TENM4: variants seen among roughly 807,000 people sequenced by gnomAD.
TENM4 encodes teneurin-4.
TENM4 carries 82 observed loss-of-function variants against 243.3 expected under a neutral mutation model. The ratio of observed to expected loss-of-function variants is 0.34; its 90% CI spans 0.28 to 0.40. The LOEUF (loss-of-function observed/expected upper bound fraction) is 0.40, where lower values mean the gene tolerates loss of function less well. Ranked by LOEUF, TENM4 falls within the 10% of genes least tolerant of loss-of-function variation. The pLI is 1.00. For missense variants in TENM4, 3,138 were observed against 3,673.3 expected (o/e 0.85, Z 3.77); for synonymous variants, 1,412 against 1,456.3 (o/e 0.97, Z 0.69).
chr11:78,696,492 T>C (rs1407780924), intron 28 of TENM4, among the ~76,000 whole-genome samples: 2 of 152,002 alleles, frequency 1.3e-5, no homozygotes, highest in Admixed American at 6.6e-5. Flanking sequence ...GAGTGAGTGA[T>C]AGGTTTATGC....
intron 1 of TENM4, among the ~76,000 whole-genome samples, chr11:79,308,950 G>T (rs988531201): frequency 3.9e-5 from 6 of 152,088 alleles, no homozygotes; most frequent in Admixed American, 1.3e-4. Context: ...TCAGTAACAG[G>T]CAAGTAATTA....
intron 4 of TENM4, among the ~76,000 whole-genome samples, chr11:79,099,572 T>A (rs1183385375): frequency 6.6e-6 from 1 of 152,222 alleles, no homozygotes; most frequent in Non-Finnish European, 1.5e-5. Context: ...AAAATGAATT[T>A]GACCTTGAAT....
intron 6 of TENM4, among the ~76,000 whole-genome samples, chr11:78,926,514 C>T (rs377134601): frequency 7.9e-5 from 12 of 151,932 alleles, no homozygotes; most frequent in Non-Finnish European, 1.3e-4. Flanking sequence ...CCTCATGATC[C>T]GCCCGCCTCG....
At chr11:78,839,158 T>C (rs957544309) in intron 12 of TENM4, among the ~76,000 whole-genome samples, 6 of 152,216 alleles carry the variant, frequency 3.9e-5, no homozygotes, top group African/African-American at 1.4e-4. Context: ...TTTCATCTGT[T>C]TATTATTCCA....
intron 19 of TENM4, among the ~76,000 whole-genome samples, chr11:78,753,469 C>A (rs1296447065): frequency 6.6e-6 from 1 of 152,152 alleles, no homozygotes; most frequent in Admixed American, 6.5e-5. Context: ...TCACTTTATC[C>A]CAGCTGTGCA....
At chr11:79,355,994 T>C (rs536779192) in intron 1 of TENM4, among the ~76,000 whole-genome samples, 1 of 152,194 alleles carries the variant, frequency 6.6e-6, no homozygotes, top group South Asian at 2.1e-4. Context: ...ACTTCTTTCA[T>C]ATTACTTAGG....
chr11:78,842,923 C>T (rs1240517458), intron 12 of TENM4, among the ~76,000 whole-genome samples: 1 of 152,166 alleles, frequency 6.6e-6, no homozygotes, highest in Admixed American at 6.5e-5. Context: ...CCTGTAATCC[C>T]AGCGCTTTGG....
At chr11:79,346,670 G>T (rs1857331262) in intron 1 of TENM4, among the ~76,000 whole-genome samples, 1 of 152,140 alleles carries the variant, frequency 6.6e-6, no homozygotes, top group Admixed American at 6.5e-5. Flanking sequence ...GGAAGCAAAG[G>T]AGAGCTGGAG....
intron 29 of TENM4, among the ~76,000 whole-genome samples, chr11:78,683,057 C>T (rs1220650997): frequency 1.1e-4 from 1 of 8,716 alleles, no homozygotes; most frequent in East Asian, 7.6e-4. Flanking sequence ...TCAGTGTGCC[C>T]CTGCTGGGGG....
At chr11:78,906,150 C>G (rs1242464490) in intron 6 of TENM4, among the ~76,000 whole-genome samples, 1 of 152,252 alleles carries the variant, frequency 6.6e-6, no homozygotes, top group Non-Finnish European at 1.5e-5. Context: ...GATATAGTTT[C>G]TGCTATGTAT....
At chr11:79,299,062 C>CCACACACACACA (rs61589223) in intron 1 of TENM4, among the ~76,000 whole-genome samples, 16 of 150,152 alleles carry the variant, frequency 1.1e-4, no homozygotes, top group African/African-American at 3.9e-4. Flanking sequence ...GGTGCTGTAT[C>CCACACACACACA]CACACACACA....
At chr11:78,962,947 A>G (rs1792710115) in intron 6 of TENM4, among the ~76,000 whole-genome samples, 1 of 152,246 alleles carries the variant, frequency 6.6e-6, no homozygotes, top group East Asian at 1.9e-4. Context: ...TTTTCTAAGA[A>G]TCTCACATTT....
At chr11:78,865,267 CACA>C (rs1484795244) in intron 9 of TENM4, among the ~76,000 whole-genome samples, 16 of 152,088 alleles carry the variant, frequency 1.1e-4, no homozygotes, top group African/African-American at 3.6e-4. Context: ...GAAACTAAGG[CACA>C]ACAAGACTAA....
At chr11:78,727,350 G>A (rs1052794042) in intron 22 of TENM4, among the ~76,000 whole-genome samples, 5 of 151,958 alleles carry the variant, frequency 3.3e-5, no homozygotes, top group Middle Eastern at 6.8e-3. Context: ...GGGAGGCTGA[G>A]GCAGGAGAAT....
intron 6 of TENM4, among the ~76,000 whole-genome samples, chr11:78,935,879 T>C (rs1312172061): frequency 3.3e-5 from 5 of 152,220 alleles, no homozygotes; most frequent in South Asian, 4.1e-4. Flanking sequence ...AACCGTTGAA[T>C]GGAGCCACCT....
chr11:78,821,360 A>G (rs976535269), intron 12 of TENM4, among the ~76,000 whole-genome samples: 9 of 152,236 alleles, frequency 5.9e-5, no homozygotes, highest in African/African-American at 2.2e-4. Context: ...TATTTATTGT[A>G]TTGATAAACA....
At position 78,865,515 on chromosome 11, in the gene TENM4, C is replaced by G. The variant is rs770293502; in HGVS notation, c.1085-2383G>C. 4.6e-5 allele frequency among the ~76,000 whole-genome samples: 7 copies of G among 152,312 alleles called. 1 individual carries two copies. Among genetic ancestry groups the G allele is most frequent in the South Asian group, 4.1e-4 (2 of 4,826 alleles). ...TTTTAAGTCTCTTTTTAGGCAGTAACACAGGATCCTGTGAGCTAGAGAGGG... is the reference window on the plus strand; with the variant it reads ...TTTTAAGTCTCTTTTTAGGCAGTAAGACAGGATCCTGTGAGCTAGAGAGGG... On this transcript the variant is annotated intron_variant, in intron 9 of 33. Coordinates refer to ENST00000278550, the MANE Select transcript of TENM4 (RefSeq NM_001098816.3).
chr11:79,421,012 G>A (rs541023870), intron 1 of TENM4, among the ~76,000 whole-genome samples: 5 of 152,284 alleles, frequency 3.3e-5, no homozygotes, highest in Middle Eastern at 3.4e-3. Flanking sequence ...TAGATGAGTC[G>A]AGGAGTGCAC....
chr11:79,394,955 A>C (rs1463670662), intron 1 of TENM4, among the ~76,000 whole-genome samples: 2 of 152,236 alleles, frequency 1.3e-5, no homozygotes, highest in Non-Finnish European at 2.9e-5. Flanking sequence ...GAGGCATGGA[A>C]CAGATTCCAC....
Sources: gnomAD v4.1 joint callset for allele counts (sites outside exome capture counted in the v4.1 genomes callset) on GRCh38, gnomAD v4.1.1 for gene constraint, MANE v1.5 for transcripts, NCBI Gene and HGNC (gene_info 2026-07-23, HGNC 2026-07-21) for gene names.